The following RTKN2 variants were observed in gnomAD, a reference collection of about 807,000 sequenced individuals.
RTKN2 encodes the protein rhotekin-2.
Under a neutral mutation model 71.5 loss-of-function variants are expected in RTKN2, and 69 were observed. The observed-to-expected ratio is 0.96, with a 90% confidence interval of 0.79 to 1.18. RTKN2 has a LOEUF of 1.18. RTKN2 is among the 50% of genes most tolerant of loss of function. The pLI is 0.00. For synonymous variants in RTKN2, 236 were observed against 236.5 expected (o/e 1.00, Z 0.02); for missense variants, 724 against 719.7 (o/e 1.01, Z -0.07).
intron 9 of RTKN2, among the ~76,000 whole-genome samples, chr10:62,212,000 A>G (rs1841669624): frequency 6.6e-6 from 1 of 152,034 alleles, no homozygotes; most frequent in Non-Finnish European, 1.5e-5. Context: ...CTTGATCCTT[A>G]CCTGCTGTAT....
chr10:62,195,515 G>A lies in RTKN2; in HGVS notation c.*2393C>T. On this transcript the variant is annotated 3_prime_UTR_variant, in exon 12 of 12. Transcript: ENST00000373789. ...GAAGGAAAGTGGGAAAAGGGGATGA[G>A]ACAGAGAGAGAGGACAGGGGGCCAG... 1.3e-6 allele frequency: 1 copy of A among 783,942 alleles called. No homozygotes were observed. Among genetic ancestry groups the A allele is most frequent in the Non-Finnish European group, 1.5e-6 (1 of 646,650 alleles). 48.6% of individuals were successfully genotyped at this position (783,942 alleles called of 1,614,324 possible).
intron 2 of RTKN2, among the ~76,000 whole-genome samples, chr10:62,254,591 G>T (rs1030521658): frequency 6.6e-6 from 1 of 151,954 alleles, no homozygotes; most frequent in Non-Finnish European, 1.5e-5. Flanking sequence ...GTATATATAC[G>T]TATACACACA....
At chr10:62,263,729 G>A (rs935998213) in intron 1 of RTKN2, among the ~76,000 whole-genome samples, 43 of 152,276 alleles carry the variant, frequency 2.8e-4, no homozygotes, top group African/African-American at 1.0e-3. Flanking sequence ...TGAAAGCGCT[G>A]TACACTGAAA....
intron 6 of RTKN2, among the ~76,000 whole-genome samples, chr10:62,226,475 G>C (rs763713926): frequency 1.3e-5 from 2 of 152,126 alleles, no homozygotes; most frequent in African/African-American, 2.4e-5. Context: ...AGTGTTTCTG[G>C]TCAATGTTTA....
intron 10 of RTKN2, among the ~76,000 whole-genome samples, chr10:62,203,491 C>A (rs574094478): frequency 1.3e-5 from 2 of 152,100 alleles, no homozygotes; most frequent in East Asian, 3.9e-4. Context: ...ACTACAGGCA[C>A]GTGCCATCAC....
chr10:62,241,685 C>T (rs1251223579), intron 3 of RTKN2, among the ~76,000 whole-genome samples: 1 of 151,966 alleles, frequency 6.6e-6, no homozygotes, highest in Admixed American at 6.6e-5. Flanking sequence ...CTCAAGCAAA[C>T]CTCCCACCTA....
chr10:62,195,011 G>A lies in RTKN2; in HGVS notation c.*2897C>T. On this transcript the variant is annotated 3_prime_UTR_variant, in exon 12 of 12. Coordinates refer to ENST00000373789, the MANE Select transcript of RTKN2 (RefSeq NM_145307.4). ...TGAAAGACTATTTACCTTAGGAGGT[G>A]TGCATTTAGAATTTTAAAAATGCCT... The A allele has an allele frequency of 2.0e-6, 2 of 985,096 alleles. No homozygotes were observed. The highest frequency in any genetic ancestry group is 2.4e-6 in the Non-Finnish European group (2 of 829,658). 61.0% of individuals were successfully genotyped at this position (985,096 alleles called of 1,614,324 possible).
intron 9 of RTKN2, among the ~76,000 whole-genome samples, chr10:62,213,301 G>A (rs1165829627): frequency 6.6e-6 from 1 of 151,554 alleles, no homozygotes; most frequent in African/African-American, 2.4e-5. Context: ...GTTGGAGAGA[G>A]GGCATCACCA....
intron 9 of RTKN2, among the ~76,000 whole-genome samples, chr10:62,214,675 C>T (rs1043844381): frequency 2.4e-4 from 37 of 152,056 alleles, no homozygotes; most frequent in Admixed American, 9.8e-4. Flanking sequence ...AAATTTAAAT[C>T]GTAAAGTTTC....
downstream of RTKN2, among the ~76,000 whole-genome samples, chr10:62,192,535 C>T (rs1244122049): frequency 1.3e-5 from 2 of 152,190 alleles, no homozygotes; most frequent in African/African-American, 4.8e-5. Context: ...CCTGGAATTA[C>T]TCAAAAGGGA....
intron 4 of RTKN2, among the ~76,000 whole-genome samples, chr10:62,240,869 T>C (rs968780185): frequency 6.6e-6 from 1 of 152,206 alleles, no homozygotes; most frequent in Non-Finnish European, 1.5e-5. Context: ...TGTTCCATAT[T>C]TCCCTTCCCC....
At chr10:62,250,211 A>G (rs978119989) in intron 2 of RTKN2, among the ~76,000 whole-genome samples, 1 of 152,240 alleles carries the variant, frequency 6.6e-6, no homozygotes, top group Non-Finnish European at 1.5e-5. Flanking sequence ...TCTAAGACCT[A>G]GTGGATACCA....
chr10:62,225,504 C>T (rs186161997), intron 6 of RTKN2, among the ~76,000 whole-genome samples: 62 of 152,310 alleles, frequency 4.1e-4, no homozygotes, highest in Non-Finnish European at 7.4e-4. Context: ...CAAATCTGTC[C>T]TTACCACTTT....
chr10:62,190,304 C>A (rs1190086631), downstream of RTKN2, among the ~76,000 whole-genome samples: 1 of 152,146 alleles, frequency 6.6e-6, no homozygotes, highest in Non-Finnish European at 1.5e-5. Context: ...AGGATGAGAG[C>A]ACTTTCTTCA....
Position 62,268,691 on chromosome 10 carries a change from G to A in RTKN2, c.-81C>T, listed in dbSNP as rs938355552. 16 of 1,420,572 alleles carry A rather than the reference G, an allele frequency of 1.1e-5. No individual in the cohort carries two copies. The highest frequency in any genetic ancestry group is 7.6e-5 in the East Asian group (3 of 39,490). 88.0% of individuals were successfully genotyped at this position (1,420,572 alleles called of 1,614,324 possible). A position where few individuals can be genotyped will look rare whatever the true frequency, so the allele number is the denominator to read the frequency against. On this transcript the variant is annotated 5_prime_UTR_variant, in exon 1 of 12. Transcript: ENST00000373789. Reference sequence around the variant, plus strand: ...GCCCGCCCCTGGCAGGAGCCGCAGAGGACGCCAACCGCCCGGCCGTACCAA... The same window carrying A: ...GCCCGCCCCTGGCAGGAGCCGCAGAAGACGCCAACCGCCCGGCCGTACCAA...
At position 62,193,775 on chromosome 10, in the gene RTKN2, A is replaced by G; in HGVS notation, c.*4133T>C. 1.0e-6 allele frequency: 1 copy of G among 984,936 alleles called. No individual in the cohort carries two copies. Among genetic ancestry groups the G allele is most frequent in the South Asian group, 4.7e-5 (1 of 21,276 alleles). The allele number at this position is 984,936 out of a possible 1,614,324, so 61.0% of individuals were successfully genotyped here. A position where few individuals can be genotyped will look rare whatever the true frequency, so the allele number is the denominator to read the frequency against. On this transcript the variant is annotated 3_prime_UTR_variant, in exon 12 of 12. Coordinates refer to ENST00000373789, the MANE Select transcript of RTKN2 (RefSeq NM_145307.4). ...AATTCTGGATCACTAAACTAAAAGTAAGGTTATGTCAATGGATTTTTAAAA... is the reference window on the plus strand; with the variant it reads ...AATTCTGGATCACTAAACTAAAAGTGAGGTTATGTCAATGGATTTTTAAAA...
chr10:62,200,268 C>T lies in RTKN2; in HGVS notation c.1187-407G>A, dbSNP rs563267481. Among the ~76,000 whole-genome samples, 14 of 140,234 alleles carry T rather than the reference C, an allele frequency of 1.0e-4. No individual in the cohort carries two copies. In the South Asian group the frequency reaches 2.9e-3, roughly 29 times the overall value. 92.0% of individuals were successfully genotyped at this position (140,234 alleles called of 152,430 possible). On this transcript the variant is annotated intron_variant, in intron 10 of 11. Coordinates refer to ENST00000373789, the MANE Select transcript of RTKN2 (RefSeq NM_145307.4). ...GTCCCCGCTACTTGGGAGGCTGAGGCAGGAGGATCACTTGAACTTGGGAGG... is the reference window on the plus strand; with the variant it reads ...GTCCCCGCTACTTGGGAGGCTGAGGTAGGAGGATCACTTGAACTTGGGAGG...
chr10:62,185,617 C>CAA (rs1008412553), intron 8 of RTKN2, among the ~76,000 whole-genome samples: 3 of 146,908 alleles, frequency 2.0e-5, no homozygotes, highest in Non-Finnish European at 4.5e-5. Context: ...GACTCCGTCT[C>CAA]AAAAAAAAAA....
intron 3 of RTKN2, among the ~76,000 whole-genome samples, chr10:62,245,093 T>C (rs1459598337): frequency 6.6e-6 from 1 of 152,160 alleles, no homozygotes; most frequent in East Asian, 1.9e-4. Flanking sequence ...ATCTGACTAG[T>C]GTACACACGA....
Sources: allele counts gnomAD v4.1 joint callset (sites outside exome capture counted in the v4.1 genomes callset), GRCh38; gene constraint gnomAD v4.1.1; transcripts MANE v1.5; gene names NCBI Gene and HGNC (gene_info 2026-07-23, HGNC 2026-07-21).